The following MASTL variants were observed in gnomAD, a reference collection of about 807,000 sequenced individuals.
The protein encoded by MASTL is microtubule associated serine/threonine kinase like, also known as serine/threonine-protein kinase greatwall.
In MASTL, 54 loss-of-function variants were observed where a neutral mutation model predicts 82.5. The ratio of observed to expected loss-of-function variants is 0.65; its 90% confidence interval spans 0.53 to 0.82. MASTL has a LOEUF of 0.82. MASTL is among the 40% of genes least tolerant of loss of function. The probability of loss-of-function intolerance (pLI) is 0.00; values close to 1 mark genes in which losing one functional copy is unlikely to be tolerated. For synonymous variants in MASTL, 323 were observed against 368.9 expected (o/e 0.88, Z 1.43); for missense variants, 950 against 1,047.8 (o/e 0.91, Z 1.29).
At chr10:27,182,402 A>G (rs538396037) in intron 11 of MASTL, among the ~76,000 whole-genome samples, 2 of 152,240 alleles carry the variant, frequency 1.3e-5, no homozygotes, top group East Asian at 3.9e-4. Context: ...ATGGTAGAAG[A>G]GGCAAAAAAA....
At chr10:27,171,594 G>A (rs549882099) in intron 8 of MASTL, among the ~76,000 whole-genome samples, 19 of 151,292 alleles carry the variant, frequency 1.3e-4, no homozygotes, top group African/African-American at 4.4e-4. Context: ...CACCACACCT[G>A]GCTAATTTTT....
At chr10:27,160,210 T>A (rs2057524365) in intron 3 of MASTL, among the ~76,000 whole-genome samples, 1 of 127,194 alleles carries the variant, frequency 7.9e-6, no homozygotes, top group Non-Finnish European at 1.6e-5. Flanking sequence ...GTTCCCAGGC[T>A]GCTCTTTAAC....
Position 27,170,018 on chromosome 10 carries a change from T to G in MASTL, c.1059T>G (p.Asn353Lys), listed in dbSNP as rs2057869672. Residue 353 changes from asparagine (N) to lysine (K), a missense_variant, in exon 8 of 12, where the codon AAT (asparagine) becomes AAG (lysine). Coordinates refer to ENST00000375940, the MANE Select transcript of MASTL (RefSeq NM_001172303.3). ...AVEKLCAKSA[N>K]AIETKGFNKK... Reference sequence around the variant, plus strand: ...AAAAGTTATGCGCAAAATCTGCAAATGCCATTGAGACGAAAGGTTTCAATA... The same window carrying G: ...AAAAGTTATGCGCAAAATCTGCAAAGGCCATTGAGACGAAAGGTTTCAATA... 1.2e-6 allele frequency: 2 copies of G among 1,614,044 alleles called. No homozygotes were observed. Among genetic ancestry groups the G allele is most frequent in the African/African-American group, 2.7e-5 (2 of 74,918 alleles).
At chr10:27,176,360 T>G (rs1229392210) in intron 9 of MASTL, among the ~76,000 whole-genome samples, 2 of 152,188 alleles carry the variant, frequency 1.3e-5, no homozygotes, top group African/African-American at 2.4e-5. Context: ...CAATAATCAT[T>G]GCCACCGGAT....
At chr10:27,180,110 A>G (rs2136154705) in intron 9 of MASTL, among the ~76,000 whole-genome samples, 1 of 152,362 alleles carries the variant, frequency 6.6e-6, no homozygotes. Context: ...CAAAATGTTC[A>G]CATACTAATG....
rs4018758 is a variant in MASTL, at chr10:27,183,269, T to TTTG, written c.2482+1716_2482+1718dup. On this transcript the variant is annotated intron_variant, in intron 11 of 11. Coordinates refer to ENST00000375940, the MANE Select transcript of MASTL (RefSeq NM_001172303.3). ...TCATTAGCAGCTGCCTTAAAATTCT[T>TTTG]TTGTTGTTGTTGTTGTTGTTGTTGT... 4.1e-3 allele frequency among the ~76,000 whole-genome samples: 618 copies of TTTG among 150,292 alleles called. 4 individuals are homozygous for TTTG. Among genetic ancestry groups the TTTG allele is most frequent in the South Asian group, 0.022 (105 of 4,712 alleles).
Position 27,161,079 on chromosome 10 carries a change from C to T in MASTL, c.465-15C>T, listed in dbSNP as rs1411334055. 15 of 1,570,194 alleles carry T rather than the reference C, an allele frequency of 9.6e-6. No individual in the cohort carries two copies. The highest frequency in any genetic ancestry group is 1.7e-4 in the Middle Eastern group (1 of 6,000). ...CCTTTTTTGGTTATCTAATATTTGCCTTTTGTGTGTGCAGGGACTTGAAAC... is the reference window on the plus strand; with the variant it reads ...CCTTTTTTGGTTATCTAATATTTGCTTTTTGTGTGTGCAGGGACTTGAAAC... On this transcript the variant is annotated splice_polypyrimidine_tract_variant and intron_variant, in intron 3 of 11. Transcript: ENST00000375940.
At chr10:27,185,071 C>T (rs1169469428) in intron 11 of MASTL, among the ~76,000 whole-genome samples, 3 of 152,066 alleles carry the variant, frequency 2.0e-5, no homozygotes, top group Admixed American at 1.3e-4. Context: ...ATGAAGAGAA[C>T]GTGTCAGAAC....
At chr10:27,163,950 TTG>T (rs1419441460) in intron 4 of MASTL, among the ~76,000 whole-genome samples, 1 of 151,632 alleles carries the variant, frequency 6.6e-6, no homozygotes, top group Non-Finnish European at 1.5e-5. Context: ...TTTATTTATT[TTG>T]AGAGAGAGTC....
chr10:27,169,567 C>CA (rs766925239), intron 7 of MASTL, among the ~76,000 whole-genome samples: 8,599 of 101,306 alleles, frequency 0.085, 457 homozygotes, highest in African/African-American at 0.2. Flanking sequence ...GACCCCATTT[C>CA]AAAAAAAAAA....
rs752147433 is a variant in MASTL, at chr10:27,184,554, A to ATTTTTTTTTT, written c.2483-1810_2483-1801dup. Among the ~76,000 whole-genome samples the ATTTTTTTTTT allele has an allele frequency of 4.8e-4, 41 of 84,856 alleles. 2 individuals are homozygous for ATTTTTTTTTT. The highest frequency in any genetic ancestry group is 5.4e-4 in the Admixed American group (3 of 5,514). 55.7% of individuals were successfully genotyped at this position (84,856 alleles called of 152,430 possible). A position where few individuals can be genotyped will look rare whatever the true frequency, so the allele number is the denominator to read the frequency against. ...AAAAACACTATCACATATAAGAAGGATTTTTTTTTTTTTTTTTTTTTTTTG... is the reference window on the plus strand; with the variant it reads ...AAAAACACTATCACATATAAGAAGGATTTTTTTTTTTTTTTTTTTTTTTTTTTTTTTTTTG... On this transcript the variant is annotated intron_variant, in intron 11 of 11. Coordinates refer to ENST00000375940, the MANE Select transcript of MASTL (RefSeq NM_001172303.3).
rs1048421359 is a variant in MASTL, at chr10:27,181,252, A to T, written c.2380+186A>T. 2.0e-5 allele frequency among the ~76,000 whole-genome samples: 3 copies of T among 152,090 alleles called. No homozygotes were observed. In the South Asian group the frequency reaches 6.2e-4, roughly 32 times the overall value. ...AAAAAATACAAAAAATTAGCCAGGCATGTTGACGGGCGCCTGTAATCCCAG... is the reference window on the plus strand; with the variant it reads ...AAAAAATACAAAAAATTAGCCAGGCTTGTTGACGGGCGCCTGTAATCCCAG... On this transcript the variant is annotated intron_variant, in intron 10 of 11. Transcript: ENST00000375940.
At chr10:27,165,767 G>A (rs1306557677) in intron 6 of MASTL, among the ~76,000 whole-genome samples, 3 of 151,990 alleles carry the variant, frequency 2.0e-5, no homozygotes, top group East Asian at 3.9e-4. Context: ...TGGGCATGTT[G>A]GTGCACACTT....
chr10:27,171,096 C>G lies in MASTL; in HGVS notation c.2124+13C>G. The G allele has an allele frequency of 6.2e-7, 1 of 1,610,050 alleles. No homozygotes were observed. Among genetic ancestry groups the G allele is most frequent in the Non-Finnish European group, 8.5e-7 (1 of 1,176,408 alleles). Reference sequence around the variant, plus strand: ...TATGCCACATCAGGTATATTTATAACTTTCTAATACTGTTTTTTGGATTTT... The same window carrying G: ...TATGCCACATCAGGTATATTTATAAGTTTCTAATACTGTTTTTTGGATTTT... On this transcript the variant is annotated intron_variant, in intron 8 of 11. Transcript: ENST00000375940.
intron 9 of MASTL, among the ~76,000 whole-genome samples, chr10:27,178,217 C>T (rs2058162766): frequency 6.6e-6 from 1 of 152,018 alleles, no homozygotes; most frequent in Non-Finnish European, 1.5e-5. Context: ...CATGGCGAAA[C>T]CCCGTCTCCA....
At chr10:27,171,346 C>T (rs2057928045) in intron 8 of MASTL, among the ~76,000 whole-genome samples, 1 of 151,856 alleles carries the variant, frequency 6.6e-6, no homozygotes, top group African/African-American at 2.4e-5. Context: ...TTCACTTGAT[C>T]CCCACAGTAC....
intron 4 of MASTL, among the ~76,000 whole-genome samples, chr10:27,164,280 A>G (rs1184416575): frequency 9.9e-5 from 15 of 152,184 alleles, no homozygotes; most frequent in Non-Finnish European, 1.9e-4. Context: ...AGTAGCTGGG[A>G]CTACAGGTGC....
In MASTL at chr10:27,181,050, G is replaced by A. The variant is rs1436629383; in HGVS notation, c.2364G>A (p.Gln788=). The change falls in exon 10 of 12, where the codon CAG becomes CAA. Residue 788 remains glutamine (Q), a synonymous_variant. Transcript: ENST00000375940. ...FNDETPQQVF[Q]NILKRDIPWP... ...ATGAAACACCACAACAAGTATTCCA[G>A]AATATTCTGAAAAGAGGTGATTCTT... is the stretch of plus-strand genomic sequence containing the variant. 6.3e-7 allele frequency: 1 copy of A among 1,598,178 alleles called. No homozygotes were observed. The highest frequency in any genetic ancestry group is 8.6e-7 in the Non-Finnish European group (1 of 1,165,714).
intron 5 of MASTL, 24 bp from the exon 6 acceptor site, chr10:27,165,364 GT>G: frequency 6.2e-7 from 1 of 1,613,254 alleles, no homozygotes; most frequent in Non-Finnish European, 8.5e-7. Context: ...TAAACCTGTT[GT>G]TTTTATTTTT....
Sources: allele counts gnomAD v4.1 joint callset (sites outside exome capture counted in the v4.1 genomes callset), GRCh38; gene constraint gnomAD v4.1.1; transcripts MANE v1.5; gene names NCBI Gene and HGNC (gene_info 2026-07-23, HGNC 2026-07-21).